The following DCLK1 variants were observed in gnomAD, a reference collection of about 807,000 sequenced individuals.
DCLK1 encodes doublecortin like kinase 1, also known as serine/threonine-protein kinase DCLK1.
Under a neutral mutation model 86.2 loss-of-function variants are expected in DCLK1, and 16 were observed. The ratio of observed to expected loss-of-function variants is 0.19; its 90% CI spans 0.13 to 0.28. The LOEUF (loss-of-function observed/expected upper bound fraction) is 0.28. Among genes scored for constraint, DCLK1 ranks in the 10% least tolerant of loss-of-function variants. The probability of loss-of-function intolerance (pLI) is 1.00; values close to 1 mark genes in which losing one functional copy is unlikely to be tolerated. For missense variants in DCLK1, 590 were observed against 940.2 expected, an observed-to-expected ratio of 0.63 and a Z score of 4.87; for synonymous variants, 369 against 370.5, an observed-to-expected ratio of 1.00 and a Z score of 0.05.
intron 3 of DCLK1, among the ~76,000 whole-genome samples, chr13:35,975,394 TGGGGTGCCAGAAACACAAGGGCAACAA>T (rs1879282976): frequency 6.6e-6 from 1 of 152,160 alleles, no homozygotes; most frequent in Admixed American, 6.5e-5. Context: ...GGTGCCAACC[TGGGGTGCCAGAAACACAAGGGCAACAA>T]GGTGCAGGGA....
chr13:35,965,987 G>C (rs1320576726), intron 3 of DCLK1, among the ~76,000 whole-genome samples: 1 of 152,134 alleles, frequency 6.6e-6, no homozygotes, highest in Non-Finnish European at 1.5e-5. Context: ...AAAACAGAAA[G>C]CTCAAGGTAA....
In DCLK1 at chr13:35,885,505, C is replaced by A. The variant is rs143314732; in HGVS notation, c.824-14165G>T. ...GCTCTGTGCTTATTTGAAAGGGGAT[C>A]AAGTAATACTGAAGAAGAGTGATGT... is the stretch of plus-strand genomic sequence containing the variant. On this transcript the variant is annotated intron_variant, in intron 4 of 16. Transcript: ENST00000360631. Among the ~76,000 whole-genome samples the A allele has an allele frequency of 2.7e-4, 41 of 152,260 alleles. 1 individual carries two copies. Among genetic ancestry groups the A allele is most frequent in the African/African-American group, 9.4e-4 (39 of 41,554 alleles).
intron 3 of DCLK1, among the ~76,000 whole-genome samples, chr13:36,008,234 T>A (rs57610271): frequency 0.3 from 32,673 of 109,408 alleles, 4,589 homozygotes; most frequent in African/African-American, 0.32. Flanking sequence ...ATTATTTTTT[T>A]AATTATACTT....
chr13:35,948,419 C>A (rs1877497620), intron 3 of DCLK1, among the ~76,000 whole-genome samples: 1 of 152,150 alleles, frequency 6.6e-6, no homozygotes, highest in Non-Finnish European at 1.5e-5. Context: ...CAGAGACAAG[C>A]CTCTCTGGAG....
chr13:35,881,624 T>C (rs1872908082), intron 4 of DCLK1, among the ~76,000 whole-genome samples: 1 of 152,212 alleles, frequency 6.6e-6, no homozygotes, highest in Non-Finnish European at 1.5e-5. Flanking sequence ...CTTGGCACTA[T>C]GGCTCGGTAC....
intron 3 of DCLK1, among the ~76,000 whole-genome samples, chr13:36,020,688 C>A (rs142178275): frequency 1.3e-5 from 2 of 151,932 alleles, no homozygotes; most frequent in African/African-American, 4.8e-5. Context: ...TTGTTGGAAA[C>A]GGTGGTGACC....
chr13:35,961,565 A>G (rs913020595), intron 3 of DCLK1, among the ~76,000 whole-genome samples: 4 of 152,236 alleles, frequency 2.6e-5, no homozygotes, highest in African/African-American at 9.6e-5. Flanking sequence ...AATACAGTGC[A>G]ATAACTAAAT....
chr13:35,865,318 G>A (rs984769781), intron 5 of DCLK1, among the ~76,000 whole-genome samples: 6 of 152,050 alleles, frequency 3.9e-5, no homozygotes, highest in African/African-American at 1.4e-4. Context: ...ATATACACAT[G>A]TATGAAGAAT....
At chr13:36,073,062 C>T (rs976002471) in intron 3 of DCLK1, among the ~76,000 whole-genome samples, 6 of 152,180 alleles carry the variant, frequency 3.9e-5, no homozygotes, top group African/African-American at 1.4e-4. Flanking sequence ...CCACTTACAG[C>T]TACTACTTTT....
At chr13:35,965,598 T>A (rs2153138164) in intron 3 of DCLK1, among the ~76,000 whole-genome samples, 1 of 152,316 alleles carries the variant, frequency 6.6e-6, no homozygotes, top group East Asian at 1.9e-4. Flanking sequence ...AACCTTGAAA[T>A]GTCCTCCCAC....
At chr13:36,082,334 A>G (rs1228689587) in intron 3 of DCLK1, among the ~76,000 whole-genome samples, 2 of 152,180 alleles carry the variant, frequency 1.3e-5, no homozygotes, top group Non-Finnish European at 1.5e-5. Context: ...TCCCTAGCTT[A>G]CTTTATTATA....
chr13:35,940,584 A>G (rs1450230353), intron 4 of DCLK1, among the ~76,000 whole-genome samples: 1 of 152,120 alleles, frequency 6.6e-6, no homozygotes, highest in African/African-American at 2.4e-5. Context: ...GGTCTCTTTA[A>G]CCCAAATCAA....
chr13:35,866,237 T>C (rs776226515), intron 5 of DCLK1, among the ~76,000 whole-genome samples: 5 of 152,140 alleles, frequency 3.3e-5, no homozygotes, highest in Non-Finnish European at 7.4e-5. Context: ...ATTGAAGAAA[T>C]AAAAGCCGTA....
At chr13:36,054,102 G>C (rs1319513813) in intron 3 of DCLK1, among the ~76,000 whole-genome samples, 1 of 152,164 alleles carries the variant, frequency 6.6e-6, no homozygotes, top group East Asian at 1.9e-4. Flanking sequence ...GGAAGATAGA[G>C]ACAATGTCTT....
intron 3 of DCLK1, among the ~76,000 whole-genome samples, chr13:36,073,499 A>T (rs1444725922): frequency 1.3e-5 from 2 of 152,052 alleles, no homozygotes; most frequent in Non-Finnish European, 2.9e-5. Flanking sequence ...AACAAAAAAC[A>T]AAAAACAAAA....
intron 5 of DCLK1, among the ~76,000 whole-genome samples, chr13:35,862,796 A>T (rs1871499698): frequency 6.6e-6 from 1 of 152,138 alleles, no homozygotes; most frequent in African/African-American, 2.4e-5. Context: ...TTACATCCAA[A>T]TTTATAAATC....
At chr13:36,011,661 T>C (rs1220968079) in intron 3 of DCLK1, among the ~76,000 whole-genome samples, 1 of 152,176 alleles carries the variant, frequency 6.6e-6, no homozygotes, top group Non-Finnish European at 1.5e-5. Flanking sequence ...GTGGTCAGTT[T>C]TGGAATAGGT....
intron 13 of DCLK1, among the ~76,000 whole-genome samples, chr13:35,808,722 G>T (rs1352554948): frequency 6.6e-6 from 1 of 151,998 alleles, no homozygotes; most frequent in African/African-American, 2.4e-5. Flanking sequence ...GGCAGAGGTT[G>T]CAGTGAGCTG....
intron 16 of DCLK1, among the ~76,000 whole-genome samples, chr13:35,779,910 G>C (rs572374533): frequency 6.6e-6 from 1 of 151,644 alleles, no homozygotes; most frequent in Non-Finnish European, 1.5e-5. Flanking sequence ...AAATAGCACT[G>C]TAGGCTAATA....
Sources: gnomAD v4.1 joint callset for allele counts (sites outside exome capture counted in the v4.1 genomes callset) on GRCh38, gnomAD v4.1.1 for gene constraint, MANE v1.5 for transcripts, NCBI Gene and HGNC (gene_info 2026-07-23, HGNC 2026-07-21) for gene names.